The following ZNF718 variants were observed in gnomAD, a reference collection of about 807,000 sequenced individuals.
ZNF718 encodes zinc finger protein 718.
Under a neutral mutation model 2.6 loss-of-function variants are expected in ZNF718, and 3 were observed. The ratio of observed to expected loss-of-function variants is 1.16; its 90% CI spans 0.53 to 3.01. The LOEUF is 3.01. ZNF718 is among the 30% of genes most tolerant of loss of function. ZNF718 has a pLI of 0.03. For synonymous variants in ZNF718, 135 were observed against 77.9 expected (o/e 1.73, Z -3.86); for missense variants, 468 against 230.0 (o/e 2.03, Z -6.69).
intron 3 of ZNF718, among the ~76,000 whole-genome samples, chr4:152,190 C>G (rs2108796245): frequency 1.4e-5 from 2 of 146,480 alleles, no homozygotes; most frequent in South Asian, 4.5e-4. Flanking sequence ...CCGAGACATT[C>G]CATTGCCCAG....
At position 130,801 on chromosome 4, in the gene ZNF718, T is replaced by G. The variant is rs1305797556; in HGVS notation, c.17T>G (p.Phe6Cys). 1.3e-4 allele frequency: 52 copies of G among 387,822 alleles called. 12 individuals are homozygous for G. Among genetic ancestry groups the G allele is most frequent in the Non-Finnish European group, 2.2e-4 (49 of 218,652 alleles). The allele number at this position is 387,822 out of a possible 1,614,324, so 24.0% of individuals were successfully genotyped here. The change falls in exon 2 of 4, where the codon TTC (phenylalanine) becomes TGC (cysteine). Residue 6 changes from phenylalanine to cysteine, a missense_variant. By Grantham distance (205) the Phe-to-Cys change is radical. Coordinates refer to ENST00000510175, the MANE Select transcript of ZNF718 (RefSeq NM_001039127.6). Reference protein sequence around the residue: MELLTFKDVAIEFSPE... With the variant: MELLTCKDVAIEFSPE... ...GTGTATTTTCAGGAACTCTTAACATTCAAGGATGTGGCCATAGAATTCTCT... is the reference window on the plus strand; with the variant it reads ...GTGTATTTTCAGGAACTCTTAACATGCAAGGATGTGGCCATAGAATTCTCT...
At chr4:166,312 G>T (rs1459024604), downstream of ZNF718, among the ~76,000 whole-genome samples, 1 of 152,180 alleles carries the variant, frequency 6.6e-6, no homozygotes, top group East Asian at 1.9e-4. Flanking sequence ...ATAAACATAT[G>T]TGTGCATGTG....
chr4:166,935 G>A (rs557235366), downstream of ZNF718, among the ~76,000 whole-genome samples: 56 of 152,250 alleles, frequency 3.7e-4, 1 homozygote, highest in African/African-American at 1.2e-3. Flanking sequence ...CCATGCCTGC[G>A]TCCTGAATGG....
intron 3 of ZNF718, among the ~76,000 whole-genome samples, chr4:142,452 A>C (rs565480347): frequency 6.6e-6 from 1 of 152,350 alleles, no homozygotes; most frequent in South Asian, 2.1e-4. Flanking sequence ...ACATTGCCTC[A>C]TAATCAGTCC....
At chr4:148,574 A>C (rs1553811841) in intron 3 of ZNF718, among the ~76,000 whole-genome samples, 1 of 144,878 alleles carries the variant, frequency 6.9e-6, no homozygotes, top group South Asian at 2.2e-4. Context: ...ACGCCATTGC[A>C]CTCTGCAGCC....
At chr4:193,180 A>G (rs1418074723) in intron 3 of ZNF718, among the ~76,000 whole-genome samples, 2 of 152,068 alleles carry the variant, frequency 1.3e-5, no homozygotes, top group African/African-American at 4.8e-5. Context: ...AAGTATTTCT[A>G]ATGGAGGGTT....
At chr4:187,688 G>A (rs1030075107) in intron 3 of ZNF718, among the ~76,000 whole-genome samples, 15 of 152,162 alleles carry the variant, frequency 9.9e-5, no homozygotes, top group African/African-American at 2.7e-4. Context: ...TGGAGACCAT[G>A]GTTTGGAGGT....
In ZNF718 at chr4:161,913, C is replaced by T; in HGVS notation, c.1228C>T (p.Leu410=). The T allele has an allele frequency of 2.6e-6, 2 of 779,944 alleles. No individual in the cohort carries two copies. Among genetic ancestry groups the T allele is most frequent in the Non-Finnish European group, 2.4e-6 (1 of 417,630 alleles). The allele number at this position is 779,944 out of a possible 1,614,324, so 48.3% of individuals were successfully genotyped here. A position where few individuals can be genotyped will look rare whatever the true frequency, so the allele number is the denominator to read the frequency against. ...CGKAFKVFAN[L]HNHKKIHTGE... ...CAAAGCCTTTAAAGTGTTTGCAAACCTGCATAATCATAAGAAAATTCATAC... is the reference window on the plus strand; with the variant it reads ...CAAAGCCTTTAAAGTGTTTGCAAACTTGCATAATCATAAGAAAATTCATAC... Residue 410 remains leucine (L), a synonymous_variant, in exon 4 of 4, where the codon CTG becomes TTG. Transcript: ENST00000510175.
intron 3 of ZNF718, among the ~76,000 whole-genome samples, chr4:184,097 C>G (rs931154080): frequency 1.3e-5 from 2 of 152,050 alleles, no homozygotes; most frequent in Non-Finnish European, 2.9e-5. Context: ...ATTTTCAAGG[C>G]AAATGCTTCC....
intron 1 of ZNF718, 45 bp downstream of exon 1, chr4:124,718 C>T (rs551782242): frequency 1.2e-6 from 2 of 1,604,892 alleles, no homozygotes; most frequent in South Asian, 2.2e-5. Flanking sequence ...GAGGCCTCAT[C>T]GGAACCGGCG....
rs1268625535 is a variant in ZNF718, at chr4:128,515, G to C, written c.4-2273G>C. On this transcript the variant is annotated intron_variant, in intron 1 of 3. Transcript: ENST00000510175. Reference sequence around the variant, plus strand: ...CTTTTGTCCTTCTTCTTACCTCAGAGTTAGCTGATCAGGGACAGGGGATAT... The same window carrying C: ...CTTTTGTCCTTCTTCTTACCTCAGACTTAGCTGATCAGGGACAGGGGATAT... Among the ~76,000 whole-genome samples the C allele has an allele frequency of 1.1e-4, 11 of 102,968 alleles. 4 individuals carry two copies. The highest frequency in any genetic ancestry group is 9.4e-4 in the Admixed American group (9 of 9,540). The allele number at this position is 102,968 out of a possible 152,430, so 67.6% of individuals were successfully genotyped here.
chr4:182,643 G>T (rs1553820008), intron 3 of ZNF718, among the ~76,000 whole-genome samples: 1 of 151,978 alleles, frequency 6.6e-6, no homozygotes, highest in African/African-American at 2.4e-5. Flanking sequence ...CATGTGGCCA[G>T]GCTGGTGTTG....
intron 3 of ZNF718, among the ~76,000 whole-genome samples, chr4:137,071 T>C (rs1390925877): frequency 1.3e-5 from 2 of 152,164 alleles, no homozygotes; most frequent in African/African-American, 4.8e-5. Flanking sequence ...TTTAAAAGCA[T>C]GTGGCACCTC....
chr4:148,894 ACAGTGAGAATTATTCATATTT>A (rs1716191985), intron 3 of ZNF718, among the ~76,000 whole-genome samples: 1 of 152,188 alleles, frequency 6.6e-6, no homozygotes, highest in South Asian at 2.1e-4. Flanking sequence ...AGCTATGTTT[ACAGTGAGAATTATTCATATTT>A]CATTCGGTAG....
At chr4:189,058 T>A (rs1326837660) in intron 3 of ZNF718, among the ~76,000 whole-genome samples, 1 of 145,014 alleles carries the variant, frequency 6.9e-6, no homozygotes, top group Non-Finnish European at 1.5e-5. Context: ...ATCTGTAGAT[T>A]ATTTTTTTTT....
chr4:172,096 A>G (rs1049166826), intron 3 of ZNF718, among the ~76,000 whole-genome samples: 7 of 152,214 alleles, frequency 4.6e-5, no homozygotes, highest in African/African-American at 1.2e-4. Flanking sequence ...TATACCGTAC[A>G]TGGTGACTAG....
chr4:124,741 G>C (rs1231305479), intron 1 of ZNF718, 68 bp downstream of exon 1: 32 of 1,591,262 alleles, frequency 2.0e-5, no homozygotes, highest in Admixed American at 5.1e-5. Flanking sequence ...AAATGGCGGC[G>C]GTGGGAGGAG....
chr4:126,814 G>C (rs778210930), intron 1 of ZNF718, among the ~76,000 whole-genome samples: 5 of 150,926 alleles, frequency 3.3e-5, no homozygotes, highest in Non-Finnish European at 7.4e-5. Context: ...TTTTAGGATT[G>C]GAGATAATTT....
intron 3 of ZNF718, among the ~76,000 whole-genome samples, chr4:159,336 G>A (rs964683141): frequency 8.6e-5 from 13 of 151,842 alleles, no homozygotes; most frequent in African/African-American, 2.4e-4. Flanking sequence ...GTGCCTGGCC[G>A]AAGCTATTTT....
Sources: gnomAD v4.1 joint callset for allele counts (sites outside exome capture counted in the v4.1 genomes callset) on GRCh38, gnomAD v4.1.1 for gene constraint, MANE v1.5 for transcripts, NCBI Gene and HGNC (gene_info 2026-07-23, HGNC 2026-07-21) for gene names.